Variants in IPO5 observed in about 807,000 individuals in gnomAD.
The protein encoded by IPO5 is importin 5.
In IPO5, 18 loss-of-function variants were observed where a neutral mutation model predicts 143.3. The ratio of observed to expected loss-of-function variants is 0.13; its 90% CI spans 0.09 to 0.19. IPO5 has a LOEUF of 0.19. IPO5 is among the 10% of genes least tolerant of loss of function. The probability of loss-of-function intolerance (pLI) is 1.00; values close to 1 mark genes in which losing one functional copy is unlikely to be tolerated. For missense variants in IPO5, 1,013 were observed against 1,336.9 expected (o/e 0.76, Z 3.78); for synonymous variants, 477 against 465.7 (o/e 1.02, Z -0.31).
intron 16 of IPO5, among the ~76,000 whole-genome samples, chr13:98,003,577 C>T (rs1436286913): frequency 6.6e-6 from 1 of 152,140 alleles, no homozygotes; most frequent in Non-Finnish European, 1.5e-5. Flanking sequence ...GGGCCCGGCA[C>T]GGTGGCTCAT....
chr13:97,976,867 GC>G, intron 4 of IPO5, 81 bp downstream of exon 4: 1 of 397,784 alleles, frequency 2.5e-6, no homozygotes, highest in South Asian at 7.0e-5. Flanking sequence ...CCGGGCCTCG[GC>G]CGGTCCGCGG....
chr13:98,019,441 T>C (rs1341488785), intron 26 of IPO5, 140 bp from the exon 27 acceptor site: 1 of 657,504 alleles, frequency 1.5e-6, no homozygotes, highest in Non-Finnish European at 2.6e-6. Flanking sequence ...TGTAATGACA[T>C]AGCCAAGAAG....
At position 97,997,601 on chromosome 13, in the gene IPO5, A is replaced by G. The variant is rs1163795599; in HGVS notation, c.984A>G (p.Glu328=). The G allele has an allele frequency of 3.1e-6, 5 of 1,608,074 alleles. No individual in the cohort carries two copies. The East Asian group carries it at 1.1e-4, about 36-fold the overall frequency. Residue 328 remains glutamate, a synonymous_variant, in exon 12 of 29, where the codon GAA becomes GAG. Transcript: ENST00000651721. ...DEDWANADEL[E]DDDFDSNAVA... ...ACTGGGCAAATGCAGATGAACTAGA[A>G]GATGATGATTTTGACAGGTAATCAA...
In IPO5 at chr13:98,000,651, C is replaced by T. The variant is rs567394472; in HGVS notation, c.1108+6C>T. 9 of 1,592,640 alleles carry T rather than the reference C, an allele frequency of 5.7e-6. No individual in the cohort carries two copies. The African/African-American group carries it at 9.4e-5, about 17-fold the overall frequency. On this transcript the variant is annotated splice_donor_region_variant and intron_variant, in intron 13 of 28. Transcript: ENST00000651721. The stretch of plus-strand genomic sequence containing the variant: ...TATGCAAATGCTTCAAAATCGTAAG[C>T]TGTGTCCTTCAAATGCTAGAAGAGT...
At chr13:98,011,131 C>T (rs1889677321) in intron 20 of IPO5, among the ~76,000 whole-genome samples, 1 of 152,056 alleles carries the variant, frequency 6.6e-6, no homozygotes, top group African/African-American at 2.4e-5. Flanking sequence ...ATCTTCAATA[C>T]TTAGTATCTA....
rs1408655756 is a variant in IPO5 at position 98,022,038 on chromosome 13, C to T, written c.*216C>T. On this transcript the variant is annotated 3_prime_UTR_variant, in exon 29 of 29. Transcript: ENST00000651721. ...ACTGAAGGAGTTCCTGGAAGCCCTG[C>T]GGTAGCTAGCACTGAAGACTATTTT... 3 of 398,236 alleles carry T rather than the reference C, an allele frequency of 7.5e-6. No homozygotes were observed. The highest frequency in any genetic ancestry group is 3.5e-5 in the East Asian group (1 of 28,926). 24.7% of individuals were successfully genotyped at this position (398,236 alleles called of 1,614,324 possible). A position where few individuals can be genotyped will look rare whatever the true frequency, so the allele number is the denominator to read the frequency against.
chr13:97,963,816 G>C (rs891417625), intron 2 of IPO5, among the ~76,000 whole-genome samples: 1 of 152,176 alleles, frequency 6.6e-6, no homozygotes, highest in African/African-American at 2.4e-5. Flanking sequence ...CCCACCAACA[G>C]TGTAAAAGCA....
At chr13:97,993,386 A>ACC (rs1887960322) in intron 11 of IPO5, among the ~76,000 whole-genome samples, 161 bp downstream of exon 11, 1 of 152,188 alleles carries the variant, frequency 6.6e-6, no homozygotes, top group African/African-American at 2.4e-5. Flanking sequence ...GCAAGCGTGG[A>ACC]CCCCCACATT....
chr13:97,998,971 C>T (rs1243997334), intron 12 of IPO5, among the ~76,000 whole-genome samples: 1 of 152,012 alleles, frequency 6.6e-6, no homozygotes, highest in Admixed American at 6.6e-5. Context: ...GTTGAAACCC[C>T]GTCTCTATTA....
In IPO5 at chr13:97,993,174, G is replaced by C. The variant is rs760018245; in HGVS notation, c.862G>C (p.Glu288Gln). 1.2e-6 allele frequency: 2 copies of C among 1,613,890 alleles called. No individual in the cohort carries two copies. The highest frequency in any genetic ancestry group is 1.7e-6 in the Non-Finnish European group (2 of 1,179,880). Residue 288 changes from glutamate (E) to glutamine (Q), a missense_variant, in exon 11 of 29, where the codon GAG becomes CAG. Around this residue, in one of 2 missense-constraint regions of IPO5, gnomAD observed 685 missense variants for 994.9 expected, o/e 0.69. Transcript: ENST00000651721. ...CCTTGAAGTGATCGTCACCCTCTCT[G>C]AGACTGCAGCTGCTATGTTAAGAAA... ...LALEVIVTLS[E>Q]TAAAMLRKHT... is the part of the protein sequence containing the mutation.
chr13:97,961,732 G>A (rs554860956), intron 2 of IPO5, among the ~76,000 whole-genome samples: 1 of 152,276 alleles, frequency 6.6e-6, no homozygotes, highest in East Asian at 1.9e-4. Context: ...TTTCTCTGGA[G>A]AAATGTCTAT....
chr13:98,008,984 T>G (rs1332568364), intron 18 of IPO5, among the ~76,000 whole-genome samples: 1 of 152,216 alleles, frequency 6.6e-6, no homozygotes, highest in Non-Finnish European at 1.5e-5. Context: ...AATATACATG[T>G]ATGTTTTGTA....
chr13:98,024,227 T>C lies in IPO5; in HGVS notation c.*2405T>C, dbSNP rs1460616760. On this transcript the variant is annotated 3_prime_UTR_variant, in exon 29 of 29. Transcript: ENST00000651721. ...GACACTTCTGTAATGAGAGGCAACC[T>C]TATAACTCTGGAGTTGTAGTTTGAC... 1 of 152,216 alleles carries C rather than the reference T, an allele frequency of 6.6e-6. No homozygotes were observed. Among genetic ancestry groups the C allele is most frequent in the African/African-American group, 2.4e-5 (1 of 41,462 alleles). The allele number at this position is 152,216 out of a possible 1,614,324, so 9.4% of individuals were successfully genotyped here.
intron 6 of IPO5, among the ~76,000 whole-genome samples, chr13:97,986,466 C>T (rs1013174282): frequency 6.6e-6 from 1 of 152,002 alleles, no homozygotes; most frequent in African/African-American, 2.4e-5. Flanking sequence ...AGTGATTTTC[C>T]TGCCTCAGCC....
chr13:97,987,069 G>T, intron 6 of IPO5: 1 of 169,004 alleles, frequency 5.9e-6, no homozygotes. Flanking sequence ...CATCTAGGAA[G>T]TGGCTCTCCA....
At chr13:97,985,019 C>T (rs983040199) in intron 5 of IPO5, among the ~76,000 whole-genome samples, 16 of 152,146 alleles carry the variant, frequency 1.1e-4, no homozygotes, top group Non-Finnish European at 1.3e-4. Context: ...CAAGTTAGGT[C>T]AGGCTGGGAG....
In IPO5 at chr13:98,006,866, GT is replaced by G. The variant is rs869302123; in HGVS notation, c.1716+535del. 5.2e-3 allele frequency among the ~76,000 whole-genome samples: 652 copies of G among 125,032 alleles called. 2 individuals are homozygous for G. Among genetic ancestry groups the G allele is most frequent in the South Asian group, 0.025 (94 of 3,828 alleles). The allele number at this position is 125,032 out of a possible 152,430, so 82.0% of individuals were successfully genotyped here. A position where few individuals can be genotyped will look rare whatever the true frequency, so the allele number is the denominator to read the frequency against. ...TCATTGTTTGTTTGTTTGGTTTGGT[GT>G]TTTTTTTTTTTTTTTTGAGACCAAG... On this transcript the variant is annotated intron_variant, in intron 17 of 28. Transcript: ENST00000651721.
chr13:97,981,745 A>T (rs1886864861), intron 4 of IPO5, among the ~76,000 whole-genome samples: 1 of 152,198 alleles, frequency 6.6e-6, no homozygotes, highest in South Asian at 2.1e-4. Context: ...TTGCATATGA[A>T]TCTGCACTTC....
chr13:98,013,808 A>C (rs112717134), intron 21 of IPO5, among the ~76,000 whole-genome samples: 1 of 152,164 alleles, frequency 6.6e-6, no homozygotes, highest in Admixed American at 6.6e-5. Flanking sequence ...TTTGGTTTAC[A>C]TTTGAGCAAT....
Sources: gnomAD v4.1 joint callset for allele counts (sites outside exome capture counted in the v4.1 genomes callset) on GRCh38, gnomAD v4.1.1 for gene constraint, gnomAD v4.1.1 regional missense constraint, MANE v1.5 for transcripts, NCBI Gene and HGNC (gene_info 2026-07-23, HGNC 2026-07-21) for gene names.